CREBBP: variants seen among roughly 807,000 people sequenced by gnomAD.
CREBBP encodes the protein CREB-binding protein.
Under a neutral mutation model 265.0 loss-of-function variants are expected in CREBBP, and 19 were observed. The ratio of observed to expected loss-of-function variants is 0.07; its 90% confidence interval spans 0.05 to 0.11. CREBBP has a LOEUF of 0.11. Ranked by LOEUF, CREBBP falls within the 10% of genes least tolerant of loss-of-function variation. The pLI, the probability that CREBBP is intolerant of heterozygous loss-of-function variation, is 1.00. For synonymous variants in CREBBP, 1,457 were observed against 1,223.7 expected (o/e 1.19, Z -3.98); for missense variants, 2,525 against 3,219.0 (o/e 0.78, Z 5.22).
At chr16:3,736,342 C>A in intron 27 of CREBBP, 139 bp from the exon 28 acceptor site, 1 of 916,666 alleles carries the variant, frequency 1.1e-6, no homozygotes, top group Non-Finnish European at 1.7e-6. Context: ...CACCACAGTG[C>A]AGCAGACCCC....
chr16:3,764,558 G>A (rs942277772), intron 16 of CREBBP, among the ~76,000 whole-genome samples: 2 of 152,064 alleles, frequency 1.3e-5, no homozygotes, highest in African/African-American at 4.8e-5. Flanking sequence ...TTATAGGTGG[G>A]AGCCACTGTG....
intron 5 of CREBBP, 50 bp from the exon 6 acceptor site, chr16:3,782,976 G>T: frequency 6.2e-7 from 1 of 1,612,672 alleles, no homozygotes; most frequent in Non-Finnish European, 8.5e-7. Flanking sequence ...AAGTAAAAGG[G>T]AGAAGCCCAC....
intron 24 of CREBBP, among the ~76,000 whole-genome samples, chr16:3,740,055 C>T (rs1422315555): frequency 6.6e-6 from 1 of 152,194 alleles, no homozygotes; most frequent in Admixed American, 6.5e-5. Context: ...ACAGTATCAA[C>T]CTCTATGCGT....
intron 3 of CREBBP, among the ~76,000 whole-genome samples, chr16:3,808,922 G>A (rs1040660470): frequency 1.3e-5 from 2 of 152,180 alleles, no homozygotes; most frequent in Non-Finnish European, 2.9e-5. Context: ...TCTGTGTGGT[G>A]CCAGAGCCCA....
intron 1 of CREBBP, among the ~76,000 whole-genome samples, chr16:3,856,319 T>G (rs770150668): frequency 6.6e-6 from 1 of 152,170 alleles, no homozygotes; most frequent in Non-Finnish European, 1.5e-5. Flanking sequence ...ATTAATGAAT[T>G]AATTAAATAA....
chr16:3,858,555 C>A (rs1314981127), intron 1 of CREBBP, among the ~76,000 whole-genome samples: 1 of 152,218 alleles, frequency 6.6e-6, no homozygotes, highest in African/African-American at 2.4e-5. Flanking sequence ...CTACTCAGTG[C>A]CTAGCATAAA....
intron 21 of CREBBP, chr16:3,745,674 A>G (rs2052325149): frequency 4.7e-6 from 2 of 422,000 alleles, no homozygotes; most frequent in African/African-American, 2.0e-5. Flanking sequence ...TATTTCTGAC[A>G]CTGCTACACA....
intron 19 of CREBBP, among the ~76,000 whole-genome samples, chr16:3,753,925 C>G (rs2052531108): frequency 6.6e-6 from 1 of 152,134 alleles, no homozygotes; most frequent in Non-Finnish European, 1.5e-5. Context: ...TGGAGAAATC[C>G]TTTGCTTTTA....
intron 16 of CREBBP, among the ~76,000 whole-genome samples, chr16:3,765,347 C>A (rs550835037): frequency 4.4e-4 from 67 of 152,286 alleles, no homozygotes; most frequent in Non-Finnish European, 7.4e-4. Context: ...AAAAGATGTG[C>A]GCTGCATAGG....
At chr16:3,759,610 T>C (rs2052665852) in intron 16 of CREBBP, among the ~76,000 whole-genome samples, 1 of 135,358 alleles carries the variant, frequency 7.4e-6, no homozygotes. Context: ...ACCATTTCAT[T>C]GGAAGGGACC....
intron 20 of CREBBP, among the ~76,000 whole-genome samples, chr16:3,751,313 C>CCA (rs2052468102): frequency 6.6e-6 from 1 of 151,998 alleles, no homozygotes; most frequent in Non-Finnish European, 1.5e-5. Flanking sequence ...GAAACAAACC[C>CCA]CACAACACAA....
intron 5 of CREBBP, among the ~76,000 whole-genome samples, chr16:3,789,984 A>G (rs2053469475): frequency 6.6e-6 from 1 of 152,202 alleles, no homozygotes; most frequent in Non-Finnish European, 1.5e-5. Context: ...CTGTCATGGT[A>G]GTATGTACTA....
At chr16:3,799,597 T>G (rs1225777959) in intron 3 of CREBBP, among the ~76,000 whole-genome samples, 1 of 152,244 alleles carries the variant, frequency 6.6e-6, no homozygotes, top group Non-Finnish European at 1.5e-5. Context: ...TATGTTAAAA[T>G]ATGTGTGCAA....
chr16:3,871,953 C>CATCT (rs1356036687), intron 1 of CREBBP, among the ~76,000 whole-genome samples: 1 of 152,184 alleles, frequency 6.6e-6, no homozygotes, highest in Non-Finnish European at 1.5e-5. Flanking sequence ...AAAGTAAAGT[C>CATCT]AGATTTAATC....
chr16:3,777,061 G>T (rs898865428), intron 11 of CREBBP, among the ~76,000 whole-genome samples: 1 of 148,890 alleles, frequency 6.7e-6, no homozygotes, highest in Non-Finnish European at 1.5e-5. Flanking sequence ...AAAAAGCTAA[G>T]GCCGGGTGCA....
chr16:3,796,226 C>T (rs1054963564), intron 3 of CREBBP, among the ~76,000 whole-genome samples: 1 of 152,138 alleles, frequency 6.6e-6, no homozygotes, highest in Non-Finnish European at 1.5e-5. Context: ...AATTAACACA[C>T]TGATTTCATT....
At chr16:3,825,951 G>A (rs1282526380) in intron 2 of CREBBP, among the ~76,000 whole-genome samples, 2 of 152,218 alleles carry the variant, frequency 1.3e-5, no homozygotes, top group African/African-American at 2.4e-5. Context: ...GCCAGGCATG[G>A]TGGCTCATGC....
At chr16:3,844,773 C>A (rs533256374) in intron 2 of CREBBP, among the ~76,000 whole-genome samples, 1 of 152,168 alleles carries the variant, frequency 6.6e-6, no homozygotes, top group Admixed American at 6.5e-5. Context: ...ACCAGAGTAG[C>A]GTATACATAA....
At position 3,776,022 on chromosome 16, in the gene CREBBP, T is replaced by G. The variant is rs1036292878; in HGVS notation, c.2159-1329A>C. On this transcript the variant is annotated intron_variant, in intron 11 of 30. Transcript: ENST00000262367. ...GCCTCCGCCTCCTGGGTTCAAGCAA[T>G]TCTCCTGCCTCAGCCTCCCGCGTAG... Among the ~76,000 whole-genome samples, 9 of 152,156 alleles carry G rather than the reference T, an allele frequency of 5.9e-5. 1 individual carries two copies. Among genetic ancestry groups the G allele is most frequent in the African/African-American group, 1.2e-4 (5 of 41,450 alleles).
Sources: allele counts gnomAD v4.1 joint callset (sites outside exome capture counted in the v4.1 genomes callset), GRCh38; gene constraint gnomAD v4.1.1; transcripts MANE v1.5; gene names NCBI Gene and HGNC (gene_info 2026-07-23, HGNC 2026-07-21).